The following ARHGEF3 variants were observed in gnomAD, a reference collection of about 807,000 sequenced individuals.
ARHGEF3 encodes the protein Rho guanine nucleotide exchange factor 3.
In ARHGEF3, 28 loss-of-function variants were observed where a neutral mutation model predicts 63.2. The observed-to-expected ratio is 0.44, with a 90% confidence interval of 0.33 to 0.61. The LOEUF is 0.61. ARHGEF3 is among the 20% of genes least tolerant of loss of function. ARHGEF3 has a pLI of 0.03. For synonymous variants in ARHGEF3, 266 were observed against 254.2 expected (o/e 1.05, Z -0.44); for missense variants, 533 against 659.3 (o/e 0.81, Z 2.10).
chr3:56,870,607 T>C (rs2040404849), intron 4 of ARHGEF3, among the ~76,000 whole-genome samples: 1 of 152,186 alleles, frequency 6.6e-6, no homozygotes, highest in Non-Finnish European at 1.5e-5. Flanking sequence ...AACTCTAATG[T>C]AAACTATAAA....
At chr3:57,060,188 A>G (rs1705146496) in intron 1 of ARHGEF3, among the ~76,000 whole-genome samples, 1 of 150,972 alleles carries the variant, frequency 6.6e-6, no homozygotes, top group South Asian at 2.1e-4. Context: ...GGTGTGTGAC[A>G]TGTACCTACA....
chr3:56,938,139 C>T (rs554219192), intron 3 of ARHGEF3, among the ~76,000 whole-genome samples: 6 of 152,100 alleles, frequency 3.9e-5, no homozygotes, highest in Non-Finnish European at 5.9e-5. Flanking sequence ...TCCAGCACCA[C>T]GTGGGAGTTG....
chr3:56,799,406 G>A (rs560063830), intron 1 of ARHGEF3, among the ~76,000 whole-genome samples: 223 of 152,330 alleles, frequency 1.5e-3, no homozygotes, highest in Middle Eastern at 6.8e-3. Context: ...AACGGCCTTT[G>A]AAGGTCAACA....
At chr3:56,775,064 T>A in intron 1 of ARHGEF3, 1 of 1,551,264 alleles carries the variant, frequency 6.4e-7, no homozygotes, top group African/African-American at 1.4e-5. Flanking sequence ...GATACCAAAT[T>A]TTGATGGGCA....
chr3:57,071,462 C>T (rs1281030116), intron 1 of ARHGEF3, among the ~76,000 whole-genome samples: 2 of 152,084 alleles, frequency 1.3e-5, no homozygotes, highest in Non-Finnish European at 2.9e-5. Flanking sequence ...GAGTTCCAGA[C>T]CAGCCTGGCC....
chr3:57,024,340 C>G (rs533790085), intron 2 of ARHGEF3, among the ~76,000 whole-genome samples: 2 of 151,592 alleles, frequency 1.3e-5, no homozygotes, highest in South Asian at 4.2e-4. Flanking sequence ...GAAATATCTC[C>G]CTTAGCCACC....
intron 2 of ARHGEF3, among the ~76,000 whole-genome samples, chr3:57,033,587 T>A: frequency 6.6e-6 from 1 of 152,044 alleles, no homozygotes; most frequent in East Asian, 1.9e-4. Context: ...GTTCTACGTA[T>A]CTAGATAACT....
At chr3:56,770,481 C>T (rs1040123126) in intron 2 of ARHGEF3, among the ~76,000 whole-genome samples, 10 of 152,054 alleles carry the variant, frequency 6.6e-5, no homozygotes, top group Non-Finnish European at 1.2e-4. Context: ...TATAAATTGG[C>T]ACCTTCTCTC....
At chr3:56,802,373 G>T (rs938188592), upstream of ARHGEF3, among the ~76,000 whole-genome samples, 2 of 152,134 alleles carry the variant, frequency 1.3e-5, no homozygotes, top group Admixed American at 1.3e-4. Flanking sequence ...AAGGGGTGGT[G>T]TTCTCTCTTA....
chr3:57,077,564 C>T (rs1267671644), intron 1 of ARHGEF3, among the ~76,000 whole-genome samples: 1 of 152,136 alleles, frequency 6.6e-6, no homozygotes, highest in Non-Finnish European at 1.5e-5. Flanking sequence ...GAAAACTCTA[C>T]AGATGGAGGG....
At chr3:56,738,976 T>C (rs1194571313) in intron 7 of ARHGEF3, among the ~76,000 whole-genome samples, 1 of 152,066 alleles carries the variant, frequency 6.6e-6, no homozygotes, top group African/African-American at 2.4e-5. Context: ...CCACCTATCA[T>C]TCCAGCTGCT....
In ARHGEF3 at chr3:57,017,038, A is replaced by T. The variant is rs1190002205; in HGVS notation, c.62+18050T>A. 2.7e-3 allele frequency among the ~76,000 whole-genome samples: 366 copies of T among 137,008 alleles called. 3 individuals are homozygous for T. Among genetic ancestry groups the T allele is most frequent in the African/African-American group, 0.011 (346 of 31,088 alleles). 89.9% of individuals were successfully genotyped at this position (137,008 alleles called of 152,430 possible). ...CTCTCTCTCTCTCTCTCTCTCACAC[A>T]CACACACACACACACACACACACAC... On this transcript the variant is annotated intron_variant, in intron 2 of 12. Coordinates refer to the ARHGEF3 transcript ENST00000338458.
At chr3:57,065,851 T>C (rs1004004615) in intron 1 of ARHGEF3, among the ~76,000 whole-genome samples, 2 of 152,146 alleles carry the variant, frequency 1.3e-5, no homozygotes, top group Admixed American at 1.3e-4. Flanking sequence ...CTACGGAGCA[T>C]GCACCAATTT....
chr3:56,885,761 T>A (rs191649944), intron 3 of ARHGEF3, among the ~76,000 whole-genome samples: 12 of 152,326 alleles, frequency 7.9e-5, no homozygotes, highest in Admixed American at 5.2e-4. Flanking sequence ...CAATCTGGGA[T>A]AGAATGATCT....
chr3:56,799,318 C>A (rs1230279745), intron 1 of ARHGEF3, among the ~76,000 whole-genome samples: 1 of 152,176 alleles, frequency 6.6e-6, no homozygotes. Flanking sequence ...TGTGCACTGT[C>A]CTACCCAAGG....
chr3:57,007,652 C>G (rs1194693382), intron 2 of ARHGEF3, among the ~76,000 whole-genome samples: 2 of 152,188 alleles, frequency 1.3e-5, no homozygotes, highest in Non-Finnish European at 2.9e-5. Flanking sequence ...CGGGTGAGTT[C>G]CGGGAACTCT....
chr3:56,849,949 G>A (rs927183251), intron 4 of ARHGEF3, among the ~76,000 whole-genome samples: 1 of 152,066 alleles, frequency 6.6e-6, no homozygotes, highest in Non-Finnish European at 1.5e-5. Context: ...TGGAGTCCTC[G>A]GGCCTTAGAT....
At chr3:56,882,574 G>A (rs142107928) in intron 3 of ARHGEF3, among the ~76,000 whole-genome samples, 338 of 147,994 alleles carry the variant, frequency 2.3e-3, no homozygotes, top group African/African-American at 8.0e-3. Flanking sequence ...GGTGCGGTGC[G>A]GTGGTCTGAT....
intron 4 of ARHGEF3, among the ~76,000 whole-genome samples, chr3:56,858,445 C>G (rs1315031366): frequency 6.6e-6 from 1 of 152,122 alleles, no homozygotes; most frequent in Non-Finnish European, 1.5e-5. Context: ...AAACTCAGCT[C>G]TGAGGATACT....
Sources: gnomAD v4.1 joint callset for allele counts (sites outside exome capture counted in the v4.1 genomes callset) on GRCh38, gnomAD v4.1.1 for gene constraint, MANE v1.5 for transcripts, NCBI Gene and HGNC (gene_info 2026-07-23, HGNC 2026-07-21) for gene names.